The following UPP2 variants were observed in gnomAD, a reference collection of about 807,000 sequenced individuals.
UPP2 encodes UPase 2.
Under a neutral mutation model 26.7 loss-of-function variants are expected in UPP2, and 23 were observed. That is an observed-to-expected ratio of 0.86 (90% confidence interval 0.62 to 1.22). The LOEUF (loss-of-function observed/expected upper bound fraction) is 1.22. UPP2 is among the 50% of genes most tolerant of loss of function. The pLI, the probability that UPP2 is intolerant of heterozygous loss-of-function variation, is 0.00. For synonymous variants in UPP2, 127 were observed against 141.3 expected, an observed-to-expected ratio of 0.90 and a Z score of 0.72; for missense variants, 387 against 396.7, an observed-to-expected ratio of 0.98 and a Z score of 0.21.
chr2:158,030,127 C>CAAACAATG (rs1683902412), intron 3 of UPP2, among the ~76,000 whole-genome samples: 1 of 152,082 alleles, frequency 6.6e-6, no homozygotes, highest in Admixed American at 6.5e-5. Flanking sequence ...TGCTGTATGT[C>CAAACAATG]AAACAATGTG....
intron 3 of UPP2, among the ~76,000 whole-genome samples, chr2:158,070,753 C>T (rs773976409): frequency 5.3e-5 from 8 of 152,208 alleles, no homozygotes; most frequent in Non-Finnish European, 1.2e-4. Flanking sequence ...AACTTTATAT[C>T]ATTGAAAGAG....
At chr2:158,102,214 G>A in intron 1 of UPP2, 89 bp downstream of exon 1, 2 of 1,379,744 alleles carry the variant, frequency 1.4e-6, no homozygotes, top group South Asian at 3.0e-5. Flanking sequence ...GGCCTCTACA[G>A]TTAAGCAAAT....
At chr2:158,047,359 G>C (rs1558913843) in intron 3 of UPP2, among the ~76,000 whole-genome samples, 1 of 152,222 alleles carries the variant, frequency 6.6e-6, no homozygotes, top group Non-Finnish European at 1.5e-5. Context: ...GCCCCCAGGG[G>C]TGTTGGGAAC....
In UPP2 at chr2:158,118,457, G is replaced by A. The variant is rs113831860; in HGVS notation, c.454+519G>A. On this transcript the variant is annotated intron_variant, in intron 4 of 6. Transcript: ENST00000005756. Reference sequence around the variant, plus strand: ...GAAACCAGGCCAGGCTTTCAGGGAAGGCTTAAGTGATGCTTCCTATAGTTT... The same window carrying A: ...GAAACCAGGCCAGGCTTTCAGGGAAAGCTTAAGTGATGCTTCCTATAGTTT... Among the ~76,000 whole-genome samples, 1,166 of 152,050 alleles carry A rather than the reference G, an allele frequency of 7.7e-3. 16 individuals carry two copies. Among genetic ancestry groups the A allele is most frequent in the Middle Eastern group, 0.027 (8 of 294 alleles).
rs181965439 is a variant in UPP2 at position 158,036,360 on chromosome 2, C to A, written c.147+20474C>A. Among the ~76,000 whole-genome samples, 426 of 152,234 alleles carry A rather than the reference C, an allele frequency of 2.8e-3. 3 individuals carry two copies. Among genetic ancestry groups the A allele is most frequent in the African/African-American group, 9.9e-3 (410 of 41,532 alleles). ...ACTCAGCTCCTTCACTACGACTGTACCCCCGAGCGCTTGGTGGAGACATTG... is the reference window on the plus strand; with the variant it reads ...ACTCAGCTCCTTCACTACGACTGTAACCCCGAGCGCTTGGTGGAGACATTG... On this transcript the variant is annotated intron_variant, in intron 3 of 9. Coordinates refer to the UPP2 transcript ENST00000605860.
chr2:158,098,405 C>T (rs1209947368), upstream of UPP2, among the ~76,000 whole-genome samples: 3 of 152,126 alleles, frequency 2.0e-5, no homozygotes, highest in Non-Finnish European at 2.9e-5. Context: ...CAGCTTAGGC[C>T]TGCATCCAAG....
rs374498130 is a variant in UPP2 at position 158,039,810 on chromosome 2, G to C, written c.147+23924G>C. ...AGGCACTAATCTAAGGCCGACCAAAGTCTAGTCAAATTGGAACCAAGGTAA... is the reference window on the plus strand; with the variant it reads ...AGGCACTAATCTAAGGCCGACCAAACTCTAGTCAAATTGGAACCAAGGTAA... On this transcript the variant is annotated intron_variant, in intron 3 of 9. Coordinates refer to the UPP2 transcript ENST00000605860. Among the ~76,000 whole-genome samples, 19 of 152,334 alleles carry C rather than the reference G, an allele frequency of 1.2e-4. 1 individual carries two copies. The highest frequency in any genetic ancestry group is 4.3e-4 in the African/African-American group (18 of 41,580).
At chr2:158,112,950 T>C (rs146288405) in intron 2 of UPP2, among the ~76,000 whole-genome samples, 1 of 152,344 alleles carries the variant, frequency 6.6e-6, no homozygotes, top group Admixed American at 6.5e-5. Flanking sequence ...TTGATCATTT[T>C]GTTTGAGACA....
At chr2:158,096,587 A>G (rs1220025857) in intron 3 of UPP2, among the ~76,000 whole-genome samples, 4 of 151,916 alleles carry the variant, frequency 2.6e-5, no homozygotes, top group Admixed American at 1.3e-4. Flanking sequence ...TGACAGAGCA[A>G]GACTCTGTCT....
intron 3 of UPP2, chr2:158,066,156 G>C (rs1439650869): frequency 5.4e-6 from 1 of 183,794 alleles, no homozygotes; most frequent in African/African-American, 2.4e-5. Flanking sequence ...TGTTGGCTTT[G>C]AGTAAGTCTA....
chr2:158,047,373 A>T (rs1287882327), intron 3 of UPP2, among the ~76,000 whole-genome samples: 3 of 152,194 alleles, frequency 2.0e-5, no homozygotes, highest in Non-Finnish European at 4.4e-5. Context: ...TGGGAACGAG[A>T]GGTGGCTACT....
chr2:158,083,867 TTATATA>T (rs200105900), intron 3 of UPP2, among the ~76,000 whole-genome samples: 1 of 145,878 alleles, frequency 6.9e-6, no homozygotes, highest in Admixed American at 6.9e-5. Context: ...TATATGTTTT[TTATATA>T]TATATATATA....
chr2:158,093,273 C>CAT (rs1682937824), intron 3 of UPP2, among the ~76,000 whole-genome samples: 2 of 83,544 alleles, frequency 2.4e-5, no homozygotes, highest in Admixed American at 1.3e-4. Flanking sequence ...AAGAAACATA[C>CAT]ACACACACAC....
intron 6 of UPP2, among the ~76,000 whole-genome samples, chr2:158,125,685 G>A (rs1296703392): frequency 6.6e-6 from 1 of 152,142 alleles, no homozygotes; most frequent in Non-Finnish European, 1.5e-5. Context: ...CTCCCAAAGT[G>A]CTAGGATTAC....
rs776288172 is a variant in UPP2 at position 158,134,625 on chromosome 2, T to TACA, written c.812-109_812-107dup. ...AAGGTTCAGTAGGTTGCATCTACATTACAACAACAACAACAAAAATACACA... is the reference window on the plus strand; with the variant it reads ...AAGGTTCAGTAGGTTGCATCTACATTACAACAACAACAACAACAAAAATACACA... On this transcript the variant is annotated intron_variant, in intron 6 of 6. Transcript: ENST00000005756. The TACA allele has an allele frequency of 3.2e-5, 40 of 1,247,016 alleles. No homozygotes were observed. In the African/African-American group the frequency reaches 5.7e-4, roughly 18 times the overall value. The allele number at this position is 1,247,016 out of a possible 1,614,324, so 77.2% of individuals were successfully genotyped here.
intron 3 of UPP2, among the ~76,000 whole-genome samples, chr2:158,024,904 C>A (rs537280035): frequency 3.8e-4 from 57 of 151,972 alleles, no homozygotes; most frequent in African/African-American, 1.3e-3. Context: ...GGTGCATAAT[C>A]AAGATCAGAA....
At position 158,088,802 on chromosome 2, in the gene UPP2, G is replaced by A. The variant is rs530724304; in HGVS notation, c.148-13238G>A. Reference sequence around the variant, plus strand: ...TACTGGACTCTGGGCTGGTACTGGCGAGTGTCCGCACAGAGTCCTGTGATG... The same window carrying A: ...TACTGGACTCTGGGCTGGTACTGGCAAGTGTCCGCACAGAGTCCTGTGATG... On this transcript the variant is annotated intron_variant, in intron 3 of 9. Coordinates refer to the UPP2 transcript ENST00000605860. Among the ~76,000 whole-genome samples, 62 of 152,320 alleles carry A rather than the reference G, an allele frequency of 4.1e-4. 1 individual carries two copies. The South Asian group carries it at 0.011, about 26-fold the overall frequency.
Position 158,028,756 on chromosome 2 carries a change from C to G in UPP2, c.147+12870C>G, listed in dbSNP as rs574424382. 4.6e-5 allele frequency among the ~76,000 whole-genome samples: 7 copies of G among 152,288 alleles called. No individual in the cohort carries two copies. In the South Asian group the frequency reaches 1.5e-3, roughly 32 times the overall value. On this transcript the variant is annotated intron_variant, in intron 3 of 9. Transcript: ENST00000605860. ...CAGTTCCACATGGCTGGAGAGGCCT[C>G]GGAATCATGACAGGAGGCAAAAGGC...
chr2:158,126,169 C>G (rs1683690001), intron 6 of UPP2, among the ~76,000 whole-genome samples: 1 of 152,126 alleles, frequency 6.6e-6, no homozygotes, highest in East Asian at 1.9e-4. Flanking sequence ...CCTTTCTGTC[C>G]TTGCTGCAAA....
Sources: allele counts gnomAD v4.1 joint callset (sites outside exome capture counted in the v4.1 genomes callset), GRCh38; gene constraint gnomAD v4.1.1; transcripts MANE v1.5; gene names NCBI Gene and HGNC (gene_info 2026-07-23, HGNC 2026-07-21).